Variants in WDR38 observed in about 807,000 individuals in gnomAD.
The protein encoded by WDR38 is WD repeat domain 38.
WDR38 carries 37 observed loss-of-function variants against 36.6 expected under a neutral mutation model. That is an observed-to-expected ratio of 1.01 (90% CI 0.78 to 1.33). The LOEUF (loss-of-function observed/expected upper bound fraction) is 1.33. Among genes scored for constraint, WDR38 ranks in the 40% most tolerant of loss-of-function variants. WDR38 has a pLI of 0.00. For missense variants in WDR38, 411 were observed against 414.6 expected, an observed-to-expected ratio of 0.99 and a Z score of 0.07; for synonymous variants, 164 against 168.1, an observed-to-expected ratio of 0.98 and a Z score of 0.19.
chr9:124,857,273 T>C lies in WDR38; in HGVS notation c.769-91T>C, dbSNP rs1429241415. The C allele has an allele frequency of 7.9e-6, 12 of 1,520,388 alleles. No homozygotes were observed. In the Admixed American group the frequency reaches 2.0e-4, roughly 25 times the overall value. The allele number at this position is 1,520,388 out of a possible 1,614,324, so 94.2% of individuals were successfully genotyped here. A position where few individuals can be genotyped will look rare whatever the true frequency, so the allele number is the denominator to read the frequency against. On this transcript the variant is annotated intron_variant, in intron 7 of 8. Transcript: ENST00000373574. ...GGTCAGGAGTTCAGGCGAAGACTCATCTCATATTTTGTCTGGGACTTTCCT... is the reference window on the plus strand; with the variant it reads ...GGTCAGGAGTTCAGGCGAAGACTCACCTCATATTTTGTCTGGGACTTTCCT...
chr9:124,855,869 CGGAGTGTGGA>C lies in WDR38; in HGVS notation c.318_327del (p.Ser107ArgfsTer20). ...CGGGCTGGTGCCTGCAGGTCACCAA[CGGAGTGTGGA>C]GACGGTCAGCTTCAGCCCTGACTCG... On this transcript the variant is annotated frameshift_variant, in exon 4 of 9. Transcript: ENST00000373574. LOFTEE classifies it high-confidence loss of function. The C allele has an allele frequency of 6.2e-7, 1 of 1,614,150 alleles. No homozygotes were observed. The highest frequency in any genetic ancestry group is 1.3e-5 in the African/African-American group (1 of 75,054).
rs1475956301 is a variant in WDR38, at chr9:124,853,488, C to T, written c.-44C>T. ...CTGCCCAGTCCTGGGGTCCCGCGGC[C>T]GCCTAGGAGGGAGCCCGCCGGGGCG... On this transcript the variant is annotated 5_prime_UTR_variant, in exon 1 of 9. Coordinates refer to ENST00000373574, the MANE Select transcript of WDR38 (RefSeq NM_001045476.3). 5 of 1,214,196 alleles carry T rather than the reference C, an allele frequency of 4.1e-6. No individual in the cohort carries two copies. Among genetic ancestry groups the T allele is most frequent in the African/African-American group, 3.1e-5 (2 of 63,988 alleles). 75.2% of individuals were successfully genotyped at this position (1,214,196 alleles called of 1,614,324 possible).
In WDR38 at chr9:124,853,543, G is replaced by T. The variant is rs1030003149; in HGVS notation, c.12G>T (p.Gly4=). 3.2e-6 allele frequency: 4 copies of T among 1,247,772 alleles called. No homozygotes were observed. The highest frequency in any genetic ancestry group is 4.0e-6 in the Non-Finnish European group (4 of 989,172). The allele number at this position is 1,247,772 out of a possible 1,614,324, so 77.3% of individuals were successfully genotyped here. The part of the protein sequence containing the change: MNS[G]VPATLAVRRV... ...GGGGCCGGGTGCCCATGAACAGCGGGGTCCCGGCCACGCTGGCCGTGCGGA... is the reference window on the plus strand; with the variant it reads ...GGGGCCGGGTGCCCATGAACAGCGGTGTCCCGGCCACGCTGGCCGTGCGGA... The change falls in exon 1 of 9, where the codon GGG becomes GGT. Residue 4 remains glycine (G), a synonymous_variant. Coordinates refer to ENST00000373574, the MANE Select transcript of WDR38 (RefSeq NM_001045476.3).
intron 1 of WDR38, 114 bp downstream of exon 1, chr9:124,853,714 C>T (rs1213883166): frequency 3.5e-6 from 3 of 849,994 alleles, no homozygotes; most frequent in Non-Finnish European, 4.7e-6. Flanking sequence ...GACATTGAGT[C>T]CAGAGTAGAC....
chr9:124,856,918 A>G (rs1400622981), intron 7 of WDR38, 37 bp downstream of exon 7: 3 of 1,610,528 alleles, frequency 1.9e-6, no homozygotes, highest in East Asian at 4.5e-5. Flanking sequence ...CTACCTACCC[A>G]TCCTCACCCC....
chr9:124,856,634 C>T, intron 6 of WDR38, 34 bp downstream of exon 6: 2 of 1,612,760 alleles, frequency 1.2e-6, no homozygotes, highest in South Asian at 1.1e-5. Context: ...AGGCTGGTCC[C>T]TTGCTGGCAG....
rs2131317248 is a variant in WDR38 at position 124,855,726 on chromosome 9, G to A, written c.283G>A (p.Ala95Thr). 6.2e-7 allele frequency: 1 copy of A among 1,613,448 alleles called. No homozygotes were observed. The highest frequency in any genetic ancestry group is 1.1e-5 in the South Asian group (1 of 91,088). ...TGTCCGCCTGTGGGATGTGGCAAGA[G>A]CGAAGTGTCTGCGGGTCCTGAAGGG... ...CTVRLWDVAR[A>T]KCLRVLKGHQ... Residue 95 changes from alanine (A) to threonine (T), a missense_variant, in exon 3 of 9, where the codon GCG (alanine) becomes ACG (threonine). Physicochemically the swap from Ala to Thr is moderately conservative, Grantham distance 58 (BLOSUM62 0). Coordinates refer to ENST00000373574, the MANE Select transcript of WDR38 (RefSeq NM_001045476.3).
At chr9:124,855,992 T>C in intron 4 of WDR38, 34 bp downstream of exon 4, 2 of 1,613,116 alleles carry the variant, frequency 1.2e-6, no homozygotes, top group Non-Finnish European at 1.7e-6. Flanking sequence ...CAGTCTGGGA[T>C]TCAAGGACCA....
rs748539024 is a variant in WDR38 at position 124,856,304 on chromosome 9, C to T, written c.470C>T (p.Pro157Leu). The T allele has an allele frequency of 3.7e-6, 6 of 1,614,206 alleles. No individual in the cohort carries two copies. The Admixed American group carries it at 6.7e-5, about 18-fold the overall frequency. Residue 157 changes from proline to leucine, a missense_variant, in exon 5 of 9, where the codon CCC becomes CTC. Coordinates refer to ENST00000373574, the MANE Select transcript of WDR38 (RefSeq NM_001045476.3). Reference sequence around the variant, plus strand: ...TCCATCCAGAGCAGCGACTTCTCACCCACGGTGAACTGCCTGGTGAGCCTA... The same window carrying T: ...TCCATCCAGAGCAGCGACTTCTCACTCACGGTGAACTGCCTGGTGAGCCTA... The part of the protein sequence containing the change: ...RDSIQSSDFS[P>L]TVNCLATGSW...
chr9:124,855,533 G>T, intron 2 of WDR38, 101 bp from the exon 3 acceptor site: 1 of 1,211,766 alleles, frequency 8.3e-7, no homozygotes, highest in East Asian at 2.4e-5. Flanking sequence ...GTTTGGGTGA[G>T]GGGAGGCTGG....
At position 124,856,242 on chromosome 9, in the gene WDR38, C is replaced by A. The variant is rs375694188; in HGVS notation, c.408C>A (p.Ser136=). The part of the protein sequence containing the change: ...DKRVMLWDVQ[S]GQMLRLLVGH... ...CTGCAGCTCAGGGCTCTCTCTAGTC[C>A]GGCCAGATGCTGCGCCTCTTAGTTG... The change falls in exon 5 of 9, where the codon TCC becomes TCA. Residue 136 remains serine (S), a splice_region_variant and synonymous_variant. Transcript: ENST00000373574. 5.6e-6 allele frequency: 9 copies of A among 1,614,166 alleles called. No homozygotes were observed. The highest frequency in any genetic ancestry group is 1.6e-4 in the Middle Eastern group (1 of 6,062).
intron 7 of WDR38, 151 bp downstream of exon 7, chr9:124,857,032 GC>G: frequency 8.4e-7 from 1 of 1,190,692 alleles, no homozygotes. Context: ...CTTCCTAATG[GC>G]CAGCACCAAG....
chr9:124,857,692 G>C lies in WDR38; in HGVS notation c.*62G>C. ...CCCCTCAGTGGCGCACAGGCATGCCGCTTCTCCCCACAGACGCAAAGTGAC... is the reference window on the plus strand; with the variant it reads ...CCCCTCAGTGGCGCACAGGCATGCCCCTTCTCCCCACAGACGCAAAGTGAC... On this transcript the variant is annotated 3_prime_UTR_variant, in exon 9 of 9. Coordinates refer to ENST00000373574, the MANE Select transcript of WDR38 (RefSeq NM_001045476.3). The C allele has an allele frequency of 1.2e-6, 2 of 1,604,060 alleles. No homozygotes were observed. The highest frequency in any genetic ancestry group is 4.5e-5 in the East Asian group (2 of 44,718).
Position 124,857,841 on chromosome 9 carries a change from C to G in WDR38, c.*211C>G, listed in dbSNP as rs1294947270. ...ACCTGGTCCCCAAAACCAGACCCACCCACCTCCACCCAATCAGTGGAAGTG... is the reference window on the plus strand; with the variant it reads ...ACCTGGTCCCCAAAACCAGACCCACGCACCTCCACCCAATCAGTGGAAGTG... On this transcript the variant is annotated 3_prime_UTR_variant, in exon 9 of 9. Coordinates refer to ENST00000373574, the MANE Select transcript of WDR38 (RefSeq NM_001045476.3). 16 of 1,574,872 alleles carry G rather than the reference C, an allele frequency of 1.0e-5. No individual in the cohort carries two copies. Among genetic ancestry groups the G allele is most frequent in the Non-Finnish European group, 1.3e-5 (15 of 1,156,118 alleles).
In WDR38 at chr9:124,857,807, C is replaced by A. The variant is rs748010765; in HGVS notation, c.*177C>A. ...TGGTGGGCAGGACGCTTGCTGGAAC[C>A]CATCAGACACCTGGTCCCCAAAACC... On this transcript the variant is annotated 3_prime_UTR_variant, in exon 9 of 9. Transcript: ENST00000373574. The A allele has an allele frequency of 6.6e-7, 1 of 1,526,006 alleles. No homozygotes were observed. Among genetic ancestry groups the A allele is most frequent in the Non-Finnish European group, 8.9e-7 (1 of 1,125,146 alleles). 94.5% of individuals were successfully genotyped at this position (1,526,006 alleles called of 1,614,324 possible).
chr9:124,857,029 A>C, intron 7 of WDR38, 148 bp downstream of exon 7: 11 of 1,186,168 alleles, frequency 9.3e-6, no homozygotes, highest in Non-Finnish European at 1.3e-5. Flanking sequence ...TCTCTTCCTA[A>C]TGGCCAGCAC....
At position 124,855,752 on chromosome 9, in the gene WDR38, T is replaced by C. The variant is rs781492497; in HGVS notation, c.307+2T>C. The C allele has an allele frequency of 3.1e-6, 5 of 1,612,838 alleles. No individual in the cohort carries two copies. The African/African-American group carries it at 5.3e-5, about 17-fold the overall frequency. Reference sequence around the variant, plus strand: ...CGAAGTGTCTGCGGGTCCTGAAGGGTGAGTGAGCTGGGAGCCAAGCAGCCA... The same window carrying C: ...CGAAGTGTCTGCGGGTCCTGAAGGGCGAGTGAGCTGGGAGCCAAGCAGCCA... On this transcript the variant is annotated splice_donor_variant, in intron 3 of 8. Coordinates refer to ENST00000373574, the MANE Select transcript of WDR38 (RefSeq NM_001045476.3). LOFTEE classifies it high-confidence loss of function.
chr9:124,856,545 T>TAGAGGG lies in WDR38; in HGVS notation c.565_570dup (p.Glu189_Gly190dup). The TAGAGGG allele has an allele frequency of 6.2e-7, 1 of 1,613,160 alleles. No homozygotes were observed. Among genetic ancestry groups the TAGAGGG allele is most frequent in the Non-Finnish European group, 8.5e-7 (1 of 1,179,566 alleles). On this transcript the variant is annotated inframe_insertion, in exon 6 of 9. Coordinates refer to ENST00000373574, the MANE Select transcript of WDR38 (RefSeq NM_001045476.3). The stretch of plus-strand genomic sequence containing the variant: ...ACCCCAGCAGTCTCCCACCAGGCGC[T>TAGAGGG]AGAGGGACACAGTGCCAACATCAGC...
chr9:124,853,839 C>T (rs1157906051), intron 1 of WDR38, among the ~76,000 whole-genome samples: 1 of 152,230 alleles, frequency 6.6e-6, no homozygotes, highest in African/African-American at 2.4e-5. Flanking sequence ...GCTCTGGGCT[C>T]TGCCTCGAGA....
Sources: gnomAD v4.1 joint callset for allele counts (sites outside exome capture counted in the v4.1 genomes callset) on GRCh38, gnomAD v4.1.1 for gene constraint, MANE v1.5 for transcripts, NCBI Gene and HGNC (gene_info 2026-07-23, HGNC 2026-07-21) for gene names.